The following TUFT1 variants were observed in gnomAD, a reference collection of about 807,000 sequenced individuals.
TUFT1 encodes the protein tuftelin 1, also known as tuftelin.
A neutral mutation model predicts 57.8 loss-of-function variants in TUFT1; 43 were observed. That is an observed-to-expected ratio of 0.74 (90% confidence interval 0.58 to 0.96). TUFT1 has a LOEUF of 0.96. Among genes scored for constraint, TUFT1 ranks in the 40% least tolerant of loss-of-function variants. TUFT1 has a pLI of 0.00. For missense variants in TUFT1, 459 were observed against 489.0 expected (o/e 0.94, Z 0.58); for synonymous variants, 166 against 176.7 (o/e 0.94, Z 0.48).
chr1:151,566,444 G>A (rs1290298539), intron 6 of TUFT1, among the ~76,000 whole-genome samples: 1 of 152,182 alleles, frequency 6.6e-6, no homozygotes, highest in Non-Finnish European at 1.5e-5. Flanking sequence ...ACAGATTGAA[G>A]TGGGTGGATC....
chr1:151,581,199 G>T (rs80320753), intron 12 of TUFT1, among the ~76,000 whole-genome samples, 157 bp downstream of exon 12: 13,977 of 152,148 alleles, frequency 0.092, 727 homozygotes, highest in South Asian at 0.14. Context: ...CCATTTTCTA[G>T]CCCAATTAGA....
intron 1 of TUFT1, among the ~76,000 whole-genome samples, chr1:151,543,552 A>G (rs569607854): frequency 6.6e-6 from 1 of 152,328 alleles, no homozygotes; most frequent in Non-Finnish European, 1.5e-5. Flanking sequence ...CAGCTAAACT[A>G]AGCAGATGAG....
chr1:151,541,438 C>G (rs1314332293), intron 1 of TUFT1, among the ~76,000 whole-genome samples: 1 of 152,120 alleles, frequency 6.6e-6, no homozygotes, highest in African/African-American at 2.4e-5. Flanking sequence ...TAGGTGTGTA[C>G]TATTTCATCA....
chr1:151,546,714 TATGGCTGA>T (rs1665353204), intron 1 of TUFT1, among the ~76,000 whole-genome samples: 1 of 152,266 alleles, frequency 6.6e-6, no homozygotes, highest in South Asian at 2.1e-4. Context: ...CATTCCTTTT[TATGGCTGA>T]ATAATATTCC....
Position 151,581,017 on chromosome 1 carries a change from C to T in TUFT1, c.1084C>T (p.Arg362Trp), listed in dbSNP as rs199787847. The T allele has an allele frequency of 2.5e-5, 41 of 1,614,064 alleles. No homozygotes were observed. Among genetic ancestry groups the T allele is most frequent in the Non-Finnish European group, 2.9e-5 (34 of 1,179,996 alleles). ...ISHGNFSTQA[R>W]AKTENPGSIR... ...TCATGGCAACTTCAGCACCCAGGCC[C>T]GGGCCAAGACAGAGAACCCGGGCAG... Residue 362 changes from arginine to tryptophan, a missense_variant, in exon 12 of 13, where the codon CGG becomes TGG. By Grantham distance (101) the Arg-to-Trp change is moderately radical. Coordinates refer to ENST00000368849, the MANE Select transcript of TUFT1 (RefSeq NM_020127.3).
chr1:151,540,371 A>G lies in TUFT1; in HGVS notation c.5A>G (p.Asn2Ser), dbSNP rs768292527. The G allele has an allele frequency of 6.2e-7, 1 of 1,614,108 alleles. No individual in the cohort carries two copies. The highest frequency in any genetic ancestry group is 8.5e-7 in the Non-Finnish European group (1 of 1,179,972). ...GTGCTGCGACCCCGAGGGAAGATGA[A>G]CGGGACGCGGAACTGGTGTACCCTG... Reference protein sequence around the residue: MNGTRNWCTLVD... With the variant: MSGTRNWCTLVD... Residue 2 changes from asparagine (N) to serine (S), a missense_variant, in exon 1 of 13, where the codon AAC becomes AGC. Transcript: ENST00000368849.
intron 5 of TUFT1, among the ~76,000 whole-genome samples, chr1:151,565,298 AG>A (rs761519568): frequency 4.0e-4 from 61 of 152,388 alleles, no homozygotes; most frequent in Non-Finnish European, 8.1e-4. Context: ...AAATGTCCTC[AG>A]GAGAGCAGAG....
At chr1:151,555,500 C>T (rs372588808) in intron 1 of TUFT1, among the ~76,000 whole-genome samples, 7 of 144,786 alleles carry the variant, frequency 4.8e-5, no homozygotes, top group South Asian at 2.2e-4. Context: ...AATTATAGGT[C>T]GGGCATGGTG....
intron 1 of TUFT1, chr1:151,561,473 G>GCGCGCACACACA (rs1265237275): frequency 6.4e-6 from 2 of 314,356 alleles, no homozygotes; most frequent in African/African-American, 5.1e-5. Flanking sequence ...GCGCGCGCGC[G>GCGCGCACACACA]CACACACACA....
chr1:151,562,691 G>T lies in TUFT1; in HGVS notation c.237+5G>T. On this transcript the variant is annotated splice_donor_5th_base_variant and intron_variant, in intron 3 of 12. Transcript: ENST00000368849. The stretch of plus-strand genomic sequence containing the variant: ...GGACATGAGGAGATCATTAAGGTAA[G>T]CTTAGTTCACCTCCAACTTTTCTCC... 6.2e-7 allele frequency: 1 copy of T among 1,611,824 alleles called. No individual in the cohort carries two copies. The highest frequency in any genetic ancestry group is 1.3e-5 in the African/African-American group (1 of 74,992).
At position 151,540,577 on chromosome 1, in the gene TUFT1, T is replaced by C. The variant is rs930073052; in HGVS notation, c.60+151T>C. On this transcript the variant is annotated intron_variant, in intron 1 of 12. Transcript: ENST00000368849. ...CGGCGCTTCTCTCTTTTTATTCTTT[T>C]GCCTGCGACGGGCAGTGGGAGTCGC... 4.9e-6 allele frequency: 4 copies of C among 821,904 alleles called. 1 individual carries two copies. The highest frequency in any genetic ancestry group is 7.7e-6 in the Non-Finnish European group (4 of 521,564). The allele number at this position is 821,904 out of a possible 1,614,324, so 50.9% of individuals were successfully genotyped here. A position where few individuals can be genotyped will look rare whatever the true frequency, so the allele number is the denominator to read the frequency against.
intron 1 of TUFT1, among the ~76,000 whole-genome samples, chr1:151,548,601 T>C (rs540116664): frequency 6.6e-6 from 1 of 152,192 alleles, no homozygotes; most frequent in African/African-American, 2.4e-5. Context: ...GTGCCCAGCC[T>C]CCCATTTTTC....
intron 1 of TUFT1, among the ~76,000 whole-genome samples, chr1:151,548,856 G>C (rs1665425127): frequency 6.6e-6 from 1 of 152,174 alleles, no homozygotes; most frequent in Admixed American, 6.5e-5. Flanking sequence ...GGGAGTGAGA[G>C]CTGGGGGAAC....
rs768130406 is a variant in TUFT1 at position 151,581,800 on chromosome 1, G to C, written c.*93G>C. 9 of 1,364,844 alleles carry C rather than the reference G, an allele frequency of 6.6e-6. No individual in the cohort carries two copies. The highest frequency in any genetic ancestry group is 1.8e-5 in the Admixed American group (1 of 56,930). 84.5% of individuals were successfully genotyped at this position (1,364,844 alleles called of 1,614,324 possible). A position where few individuals can be genotyped will look rare whatever the true frequency, so the allele number is the denominator to read the frequency against. ...CTGTTAACACTGCCTTTGACTTCCTGACTGTCCCCTGGCTGCACCCAGGAC... is the reference window on the plus strand; with the variant it reads ...CTGTTAACACTGCCTTTGACTTCCTCACTGTCCCCTGGCTGCACCCAGGAC... On this transcript the variant is annotated 3_prime_UTR_variant, in exon 13 of 13. Coordinates refer to ENST00000368849, the MANE Select transcript of TUFT1 (RefSeq NM_020127.3).
chr1:151,570,706 G>A (rs1316469428), intron 7 of TUFT1, among the ~76,000 whole-genome samples: 1 of 152,020 alleles, frequency 6.6e-6, no homozygotes, highest in Non-Finnish European at 1.5e-5. Flanking sequence ...AGGTACATGG[G>A]CAGTTTTCTT....
intron 12 of TUFT1, 70 bp downstream of exon 12, chr1:151,581,112 C>A: frequency 1.4e-6 from 2 of 1,399,520 alleles, no homozygotes; most frequent in Non-Finnish European, 2.0e-6. Context: ...CTCTGTAGAA[C>A]CTTTAGTGCT....
chr1:151,564,547 T>C lies in TUFT1; in HGVS notation c.347T>C (p.Leu116Pro). 1 of 1,614,062 alleles carries C rather than the reference T, an allele frequency of 6.2e-7. No homozygotes were observed. Among genetic ancestry groups the C allele is most frequent in the Non-Finnish European group, 8.5e-7 (1 of 1,180,006 alleles). The part of the protein sequence containing the change: ...IQEARNCLQK[L>P]REDISSKLDR... Reference sequence around the variant, plus strand: ...CAGGCCAGGAACTGCCTACAGAAGCTCCGGGAGGATATAAGTAGCAAGCTT... The same window carrying C: ...CAGGCCAGGAACTGCCTACAGAAGCCCCGGGAGGATATAAGTAGCAAGCTT... Residue 116 changes from leucine (L) to proline (P), a missense_variant, in exon 5 of 13, where the codon CTC becomes CCC. Coordinates refer to ENST00000368849, the MANE Select transcript of TUFT1 (RefSeq NM_020127.3).
chr1:151,562,157 G>C lies in TUFT1; in HGVS notation c.127G>C (p.Ala43Pro), dbSNP rs139065608. The stretch of plus-strand genomic sequence containing the variant: ...GACAGGAGATGAACTTGAACACATA[G>C]CCCAGAAGGTACTGCGGAATTCTGG... ...ELTGDELEHIAQKAGRKTYAM... is the reference protein window; with the variant it reads ...ELTGDELEHIPQKAGRKTYAM... Residue 43 changes from alanine (A) to proline (P), a missense_variant, in exon 2 of 13, where the codon GCC becomes CCC. Transcript: ENST00000368849. 132 of 1,613,994 alleles carry C rather than the reference G, an allele frequency of 8.2e-5. No individual in the cohort carries two copies. The African/African-American group carries it at 1.4e-3, about 18-fold the overall frequency.
chr1:151,575,004 A>G lies in TUFT1; in HGVS notation c.817A>G (p.Lys273Glu), dbSNP rs769264125. The G allele has an allele frequency of 1.3e-6, 2 of 1,558,518 alleles. No homozygotes were observed. Among genetic ancestry groups the G allele is most frequent in the Admixed American group, 3.9e-5 (2 of 51,682 alleles). Residue 273 changes from lysine to glutamate, a missense_variant and splice_region_variant, in exon 9 of 13, where the codon AAG (lysine) becomes GAG (glutamate). Coordinates refer to ENST00000368849, the MANE Select transcript of TUFT1 (RefSeq NM_020127.3). ...TGCTGACTGCCAAGCAGAACGAGAA[A>G]AGTAAGGGCTTGGCTCTTGTTCACG... ...NNADCQAERE[K>E]AATLEKEVAG...
Sources: allele counts gnomAD v4.1 joint callset (sites outside exome capture counted in the v4.1 genomes callset), GRCh38; gene constraint gnomAD v4.1.1; transcripts MANE v1.5; gene names NCBI Gene and HGNC (gene_info 2026-07-23, HGNC 2026-07-21).